FAM161B: variants seen among roughly 807,000 people sequenced by gnomAD.
FAM161B encodes FAM161 centrosomal protein B.
A neutral mutation model predicts 61.5 loss-of-function variants in FAM161B; 46 were observed. The observed-to-expected ratio is 0.75, with a 90% CI of 0.59 to 0.96. FAM161B has a LOEUF of 0.96. FAM161B is among the 40% of genes least tolerant of loss of function. The probability of loss-of-function intolerance (pLI) is 0.00; values close to 1 mark genes in which losing one functional copy is unlikely to be tolerated. For missense variants in FAM161B, 774 were observed against 800.7 expected, an observed-to-expected ratio of 0.97 and a Z score of 0.40; for synonymous variants, 284 against 302.7, an observed-to-expected ratio of 0.94 and a Z score of 0.64.
the FAM161B span, chr14:73,924,683 C>CTT: frequency 2.2e-3 from 846 of 385,844 alleles, no homozygotes; most frequent in Admixed American, 6.8e-3. Flanking sequence ...CTTTTCTTTT[C>CTT]TTTTTTTTTT....
chr14:73,937,484 A>C (rs2055979467), intron 7 of FAM161B, 118 bp downstream of exon 7: 1 of 840,600 alleles, frequency 1.2e-6, no homozygotes, highest in Non-Finnish European at 1.9e-6. Context: ...GTAGTAGTGA[A>C]ATTAGAATTT....
downstream of FAM161B, among the ~76,000 whole-genome samples, chr14:73,929,113 A>G (rs1334582356): frequency 1.3e-5 from 2 of 152,324 alleles, no homozygotes; most frequent in East Asian, 1.9e-4. Context: ...GGGTTTTTGT[A>G]TATTTACAAA....
At chr14:73,938,753 C>G (rs773600339) in intron 5 of FAM161B, among the ~76,000 whole-genome samples, 1 of 151,994 alleles carries the variant, frequency 6.6e-6, no homozygotes, top group Admixed American at 6.6e-5. Flanking sequence ...GCCTGGGCGA[C>G]AGTGAGAGAC....
At chr14:73,932,115 A>ACTAT, downstream of FAM161B, 2 of 445,430 alleles carry the variant, frequency 4.5e-6, no homozygotes. Flanking sequence ...AGGCTGAGGT[A>ACTAT]CTATCTTGTC....
intron 7 of FAM161B, among the ~76,000 whole-genome samples, chr14:73,937,057 ACT>A (rs2055975565): frequency 6.9e-6 from 1 of 144,708 alleles, no homozygotes; most frequent in Non-Finnish European, 1.5e-5. Context: ...AGGAACACAC[ACT>A]CACACACACA....
chr14:73,948,991 T>TCACTGC (rs1321188789), intron 1 of FAM161B, among the ~76,000 whole-genome samples: 1 of 152,154 alleles, frequency 6.6e-6, no homozygotes, highest in African/African-American at 2.4e-5. Context: ...CAATCTTGGC[T>TCACTGC]CACTGCAACC....
At chr14:73,927,487 T>G (rs1302086075), downstream of FAM161B, among the ~76,000 whole-genome samples, 1 of 152,196 alleles carries the variant, frequency 6.6e-6, no homozygotes, top group Non-Finnish European at 1.5e-5. Flanking sequence ...TAGTACACAT[T>G]ATTATTCGAG....
In FAM161B at chr14:73,946,322, CT is replaced by C. The variant is rs2056066044; in HGVS notation, c.337del (p.Arg113GlyfsTer12). 1.2e-6 allele frequency: 2 copies of C among 1,614,192 alleles called. No individual in the cohort carries two copies. The highest frequency in any genetic ancestry group is 4.5e-5 in the East Asian group (2 of 44,880). On this transcript the variant is annotated frameshift_variant, in exon 2 of 9. Transcript: ENST00000286544. LOFTEE classifies it high-confidence loss of function. The part of the protein sequence containing the change: ...DLESFFQDKD[R>X]GMVQVQCPQA... ...CGGGCACTGGACCTGCACCATCCCC[CT>C]GTCCTTGTCTTGGAAGAAACTCTCC...
In FAM161B at chr14:73,950,049, CGACAGT is replaced by C; in HGVS notation, c.-29_-24del. ...CATTTCAGCTGGACAGAGGCAGCAG[CGACAGT>C]GACAGCGATAGTGGCAGCAGCGGTG... On this transcript the variant is annotated 5_prime_UTR_variant, in exon 1 of 9. Transcript: ENST00000286544. The C allele has an allele frequency of 6.2e-7, 1 of 1,610,908 alleles. No individual in the cohort carries two copies. Among genetic ancestry groups the C allele is most frequent in the Non-Finnish European group, 8.5e-7 (1 of 1,180,000 alleles).
intron 1 of FAM161B, 32 bp downstream of exon 1, chr14:73,949,941 T>A (rs199702211): frequency 1.2e-4 from 196 of 1,611,442 alleles, no homozygotes; most frequent in Non-Finnish European, 2.2e-5. Context: ...CCGGGATTCC[T>A]TTCCCGGGGG....
At chr14:73,940,034 G>A (rs372374883) in intron 5 of FAM161B, among the ~76,000 whole-genome samples, 1 of 152,160 alleles carries the variant, frequency 6.6e-6, no homozygotes, top group Non-Finnish European at 1.5e-5. Context: ...CCCTTGGACC[G>A]TAAATACTCT....
chr14:73,947,812 G>C (rs1227770545), intron 1 of FAM161B, among the ~76,000 whole-genome samples: 1 of 152,180 alleles, frequency 6.6e-6, no homozygotes. Context: ...TTAGGGTTGA[G>C]GGTGTGATTT....
In FAM161B at chr14:73,941,402, G is replaced by A. The variant is rs570111553; in HGVS notation, c.1273-349C>T. 3.3e-5 allele frequency among the ~76,000 whole-genome samples: 5 copies of A among 152,218 alleles called. No individual in the cohort carries two copies. In the South Asian group the frequency reaches 1.0e-3, roughly 32 times the overall value. ...CTCCCAAAGTGCTGGGATTACAGGT[G>A]TGAACTACCGCGCCCAGCCATTTTC... On this transcript the variant is annotated intron_variant, in intron 4 of 8. Coordinates refer to ENST00000286544, the MANE Select transcript of FAM161B (RefSeq NM_152445.3).
downstream of FAM161B, chr14:73,932,048 G>C (rs1566670891): frequency 8.8e-6 from 4 of 456,132 alleles, no homozygotes; most frequent in Admixed American, 4.7e-5. Context: ...ACCTGAGTAA[G>C]AGACTCTCTG....
the FAM161B span, among the ~76,000 whole-genome samples, chr14:73,925,927 G>A: frequency 4.4e-3 from 677 of 152,228 alleles, 6 homozygotes; most frequent in African/African-American, 0.016. Context: ...CCAACTACTC[G>A]GGAGGCTGAA....
chr14:73,923,424 C>T, the FAM161B span: 1 of 1,613,814 alleles, frequency 6.2e-7, no homozygotes, highest in South Asian at 1.1e-5. Flanking sequence ...CCCACGTTCC[C>T]TGTCTTCAGT....
rs2056046132 is a variant in FAM161B at position 73,944,462 on chromosome 14, C to T, written c.798G>A (p.Glu266=). The change falls in exon 3 of 9, where the codon GAG becomes GAA. Residue 266 remains glutamate (E), a synonymous_variant. Coordinates refer to ENST00000286544, the MANE Select transcript of FAM161B (RefSeq NM_152445.3). ...LKPFSFLEKE[E]QLKEAARQRD... ...TCTGTCGAGCAGCTTCCTTTAGCTG[C>T]TCCTCCTTCTCCAGGAAGCTGAAGG... 1.2e-6 allele frequency: 2 copies of T among 1,613,778 alleles called. No homozygotes were observed. The highest frequency in any genetic ancestry group is 1.3e-5 in the African/African-American group (1 of 74,918).
chr14:73,925,028 A>T, the FAM161B span, among the ~76,000 whole-genome samples: 1 of 152,156 alleles, frequency 6.6e-6, no homozygotes, highest in African/African-American at 2.4e-5. Context: ...GCATCATTCA[A>T]ATGACTCTGC....
At chr14:73,941,163 G>T in intron 4 of FAM161B, 110 bp from the exon 5 acceptor site, 6 of 1,335,976 alleles carry the variant, frequency 4.5e-6, no homozygotes, top group Non-Finnish European at 5.9e-6. Context: ...TTTTGCCCAG[G>T]CTGGAGTGCA....
Sources: gnomAD v4.1 joint callset for allele counts (sites outside exome capture counted in the v4.1 genomes callset) on GRCh38, gnomAD v4.1.1 for gene constraint, MANE v1.5 for transcripts, NCBI Gene and HGNC (gene_info 2026-07-23, HGNC 2026-07-21) for gene names.